Variants in PPP1R12B observed in about 807,000 individuals in gnomAD.
The protein encoded by PPP1R12B is protein phosphatase 1 regulatory subunit 12B.
In PPP1R12B, 76 loss-of-function variants were observed where a neutral mutation model predicts 126.1. The ratio of observed to expected loss-of-function variants is 0.60; its 90% CI spans 0.50 to 0.73. The LOEUF (loss-of-function observed/expected upper bound fraction) is 0.73, where lower values mean the gene tolerates loss of function less well. PPP1R12B is among the 30% of genes least tolerant of loss of function. The probability of loss-of-function intolerance (pLI) is 0.00; values close to 1 mark genes in which losing one functional copy is unlikely to be tolerated. For synonymous variants in PPP1R12B, 356 were observed against 434.7 expected (o/e 0.82, Z 2.25); for missense variants, 1,052 against 1,205.1 (o/e 0.87, Z 1.88).
At chr1:202,479,944 G>A (rs1277594997) in intron 13 of PPP1R12B, among the ~76,000 whole-genome samples, 1 of 152,162 alleles carries the variant, frequency 6.6e-6, no homozygotes, top group Non-Finnish European at 1.5e-5. Context: ...CTGAAGGGTA[G>A]CAACAACAAT....
chr1:202,362,091 C>A (rs1395553132), intron 1 of PPP1R12B, among the ~76,000 whole-genome samples: 2 of 151,178 alleles, frequency 1.3e-5, no homozygotes, highest in Non-Finnish European at 3.0e-5. Context: ...TGCTTCTTGG[C>A]AACATTTTTG....
chr1:202,491,315 A>G (rs1352199384), intron 14 of PPP1R12B, among the ~76,000 whole-genome samples: 1 of 151,980 alleles, frequency 6.6e-6, no homozygotes, highest in Non-Finnish European at 1.5e-5. Context: ...CACCTGGCTA[A>G]TTTTTGTATT....
chr1:202,406,849 TTC>T (rs1666678600), intron 1 of PPP1R12B, among the ~76,000 whole-genome samples: 1 of 152,346 alleles, frequency 6.6e-6, no homozygotes, highest in Non-Finnish European at 1.5e-5. Context: ...CTTTCTTATA[TTC>T]AAGTGTCAGA....
chr1:202,350,311 G>C (rs1655704132), intron 1 of PPP1R12B, among the ~76,000 whole-genome samples: 1 of 152,090 alleles, frequency 6.6e-6, no homozygotes, highest in African/African-American at 2.4e-5. Context: ...GTGCTTTGCT[G>C]TTTGATTTCA....
At chr1:202,569,843 G>A (rs1263328059) in intron 23 of PPP1R12B, among the ~76,000 whole-genome samples, 1 of 152,080 alleles carries the variant, frequency 6.6e-6, no homozygotes, top group Non-Finnish European at 1.5e-5. Context: ...ACCTCCATTA[G>A]CCACTTTAAT....
At chr1:202,374,493 C>CTTTTTTTTTTT (rs1160730172) in intron 1 of PPP1R12B, among the ~76,000 whole-genome samples, 4 of 89,506 alleles carry the variant, frequency 4.5e-5, no homozygotes, top group Non-Finnish European at 6.0e-5. Flanking sequence ...TTGTCTCTCT[C>CTTTTTTTTTTT]TTTTTTTTTT....
intron 4 of PPP1R12B, among the ~76,000 whole-genome samples, 180 bp from the exon 5 acceptor site, chr1:202,426,860 T>G (rs1175077394): frequency 1.3e-5 from 2 of 152,228 alleles, no homozygotes; most frequent in Non-Finnish European, 2.9e-5. Flanking sequence ...AAAGGTCATC[T>G]ATGATTGGTA....
rs755584686 is a variant in PPP1R12B at position 202,434,686 on chromosome 1, C to A, written c.1172C>A (p.Ser391Tyr). ...DKKPEAFVNH[S>Y]NSESKSSITE... The stretch of plus-strand genomic sequence containing the variant: ...AAGCCAGAAGCCTTTGTCAATCATT[C>A]CAACTCTGAAAGCAAGAGTAGTATC... Residue 391 changes from serine (S) to tyrosine (Y), a missense_variant, in exon 9 of 24, where the codon TCC becomes TAC. By Grantham distance (144) the Ser-to-Tyr change is moderately radical. Coordinates refer to ENST00000608999, the MANE Select transcript of PPP1R12B (RefSeq NM_002481.4). The A allele has an allele frequency of 4.2e-5, 67 of 1,613,192 alleles. No individual in the cohort carries two copies. Among genetic ancestry groups the A allele is most frequent in the Non-Finnish European group, 5.2e-5 (61 of 1,179,798 alleles).
At chr1:202,423,140 A>T (rs1669032999) in intron 3 of PPP1R12B, among the ~76,000 whole-genome samples, 1 of 152,216 alleles carries the variant, frequency 6.6e-6, no homozygotes, top group Non-Finnish European at 1.5e-5. Flanking sequence ...GCTGATAAAG[A>T]TATTTATTGT....
In PPP1R12B at chr1:202,431,534, A is replaced by T. The variant is rs369802325; in HGVS notation, c.1056A>T (p.Glu352Asp). 41 of 1,613,470 alleles carry T rather than the reference A, an allele frequency of 2.5e-5. No individual in the cohort carries two copies. Among genetic ancestry groups the T allele is most frequent in the Non-Finnish European group, 3.2e-5 (38 of 1,179,790 alleles). The change falls in exon 8 of 24, where the codon GAA (glutamate) becomes GAT (aspartate). Residue 352 changes from glutamate (E) to aspartate (D), a missense_variant. Coordinates refer to ENST00000608999, the MANE Select transcript of PPP1R12B (RefSeq NM_002481.4). Reference protein sequence around the residue: ...EETPKSQEMEEENKESSSSSS... With the variant: ...EETPKSQEMEDENKESSSSSS... ...CACCTAAGTCCCAAGAAATGGAGGA[A>T]GAAAATAAAGAATCTAGTAGCTCCA... is the stretch of plus-strand genomic sequence containing the variant.
chr1:202,396,049 C>T (rs1207340173), intron 1 of PPP1R12B, among the ~76,000 whole-genome samples: 1 of 152,200 alleles, frequency 6.6e-6, no homozygotes, highest in African/African-American at 2.4e-5. Flanking sequence ...GAGCATTCTA[C>T]TTCCTCCCTT....
At chr1:202,556,654 A>G (rs1372246580) in intron 18 of PPP1R12B, among the ~76,000 whole-genome samples, 1 of 152,160 alleles carries the variant, frequency 6.6e-6, no homozygotes, top group African/African-American at 2.4e-5. Context: ...TGTTATCTCC[A>G]TAGCACGTAT....
In PPP1R12B at chr1:202,419,199, AG is replaced by A. The variant is rs1026305371; in HGVS notation, c.422+2283del. ...TTTATGAATAAATGTTTCACTTAGA[AG>A]CAGCAGATTGACCCAAACATACATC... On this transcript the variant is annotated intron_variant, in intron 2 of 23. Coordinates refer to ENST00000608999, the MANE Select transcript of PPP1R12B (RefSeq NM_002481.4). The surrounding 1 kb of genome is among the most constrained non-coding windows in gnomAD (Gnocchi z 4.6). Among the ~76,000 whole-genome samples the A allele has an allele frequency of 6.6e-6, 1 of 152,174 alleles. No homozygotes were observed. Among genetic ancestry groups the A allele is most frequent in the Admixed American group, 6.5e-5 (1 of 15,276 alleles).
chr1:202,390,660 AG>A (rs1387664461), intron 1 of PPP1R12B, among the ~76,000 whole-genome samples: 34 of 127,716 alleles, frequency 2.7e-4, no homozygotes, highest in Non-Finnish European at 3.9e-4. Context: ...CATCACATCC[AG>A]CTTTTTTTTT....
In PPP1R12B at chr1:202,419,683, A is replaced by G. The variant is rs554494048; in HGVS notation, c.422+2766A>G. Among the ~76,000 whole-genome samples the G allele has an allele frequency of 3.3e-5, 5 of 152,318 alleles. No homozygotes were observed. Among genetic ancestry groups the G allele is most frequent in the African/African-American group, 1.2e-4 (5 of 41,586 alleles). Reference sequence around the variant, plus strand: ...CAGAGTAGAGTGGTTAAGATATTTCATGTAATTCAAGCAATATTTATGGAA... The same window carrying G: ...CAGAGTAGAGTGGTTAAGATATTTCGTGTAATTCAAGCAATATTTATGGAA... On this transcript the variant is annotated intron_variant, in intron 2 of 23. Transcript: ENST00000608999. The surrounding 1 kb of genome is among the most constrained non-coding windows in gnomAD (Gnocchi z 4.6).
chr1:202,454,798 C>G (rs1287942955), intron 13 of PPP1R12B, among the ~76,000 whole-genome samples: 1 of 152,058 alleles, frequency 6.6e-6, no homozygotes, highest in Non-Finnish European at 1.5e-5. Context: ...GGTGGTGGCA[C>G]ATGCTTCCAG....
In PPP1R12B at chr1:202,493,056, A is replaced by G. The variant is rs894036652; in HGVS notation, c.1942-58A>G. The stretch of plus-strand genomic sequence containing the variant: ...GTCTTTTTGGGAATATTCCTGATCA[A>G]TCAAGAGTTATTCCATGGTTAGTGT... On this transcript the variant is annotated intron_variant, in intron 14 of 23. Transcript: ENST00000608999. The G allele has an allele frequency of 4.9e-5, 75 of 1,541,810 alleles. No individual in the cohort carries two copies. The African/African-American group carries it at 9.6e-4, about 20-fold the overall frequency.
At chr1:202,560,984 C>T (rs900404417) in intron 19 of PPP1R12B, among the ~76,000 whole-genome samples, 3 of 151,434 alleles carry the variant, frequency 2.0e-5, no homozygotes, top group Non-Finnish European at 4.4e-5. Context: ...GCACATTGTG[C>T]ACATGTACCC....
intron 13 of PPP1R12B, among the ~76,000 whole-genome samples, chr1:202,484,265 G>C (rs1362332596): frequency 6.6e-6 from 1 of 151,782 alleles, no homozygotes; most frequent in Non-Finnish European, 1.5e-5. Context: ...CCTCTTTCTT[G>C]TTTGTGCCTC....
Sources: allele counts gnomAD v4.1 joint callset (sites outside exome capture counted in the v4.1 genomes callset), GRCh38; gene constraint gnomAD v4.1.1; non-coding constraint Gnocchi (gnomAD v3.1); transcripts MANE v1.5; gene names NCBI Gene and HGNC (gene_info 2026-07-23, HGNC 2026-07-21).